The following RALGDS variants were observed in gnomAD, a reference collection of about 807,000 sequenced individuals.
RALGDS encodes the protein ral guanine nucleotide dissociation stimulator, also known as ral guanine nucleotide exchange factor.
A neutral mutation model predicts 99.8 loss-of-function variants in RALGDS; 44 were observed. That is an observed-to-expected ratio of 0.44 (90% confidence interval 0.35 to 0.57). The LOEUF is 0.57. Ranked by LOEUF, RALGDS falls within the 20% of genes least tolerant of loss-of-function variation. RALGDS has a pLI of 0.01. For synonymous variants in RALGDS, 529 were observed against 505.0 expected, an observed-to-expected ratio of 1.05 and a Z score of -0.64; for missense variants, 1,022 against 1,203.1, an observed-to-expected ratio of 0.85 and a Z score of 2.23.
rs1161934465 is a variant in RALGDS, at chr9:133,101,944, T to C, written c.2205A>G (p.Glu735=). 2 of 1,551,122 alleles carry C rather than the reference T, an allele frequency of 1.3e-6. No individual in the cohort carries two copies. The highest frequency in any genetic ancestry group is 2.4e-5 in the South Asian group (2 of 84,070). Residue 735 remains glutamate, a synonymous_variant, in exon 15 of 18, where the codon GAA becomes GAG. Coordinates refer to ENST00000372050, the MANE Select transcript of RALGDS (RefSeq NM_006266.4). ...GAGAAGGGCAGGCAGTCACCTTCTTTTCCTGGCCATCAGGAGACTCCGGGA... is the reference window on the plus strand; with the variant it reads ...GAGAAGGGCAGGCAGTCACCTTCTTCTCCTGGCCATCAGGAGACTCCGGGA... ...SFVPESPDGQ[E]KKFWESASQS... is the part of the protein sequence containing the mutation.
chr9:133,106,202 T>C (rs181382700), intron 8 of RALGDS, among the ~76,000 whole-genome samples, 186 bp from the exon 9 acceptor site: 2 of 151,686 alleles, frequency 1.3e-5, no homozygotes, highest in South Asian at 4.2e-4. Flanking sequence ...CAGGACCCCA[T>C]TCCCGTTTCC....
At chr9:133,117,986 AT>A (rs1459511171) in intron 1 of RALGDS, among the ~76,000 whole-genome samples, 1 of 152,206 alleles carries the variant, frequency 6.6e-6, no homozygotes, top group Non-Finnish European at 1.5e-5. Flanking sequence ...GAGCAGCTTG[AT>A]ATCTCCCAGG....
intron 1 of RALGDS, among the ~76,000 whole-genome samples, chr9:133,130,334 G>A (rs1832297594): frequency 1.3e-5 from 2 of 152,068 alleles, no homozygotes; most frequent in African/African-American, 4.8e-5. Flanking sequence ...AGGCTGGTTC[G>A]AACTCCTGAC....
chr9:133,117,498 C>A (rs1176868810), intron 1 of RALGDS, among the ~76,000 whole-genome samples: 3 of 152,238 alleles, frequency 2.0e-5, no homozygotes, highest in Non-Finnish European at 4.4e-5. Context: ...GTGTCCTGCC[C>A]CGCCCGCCAA....
At chr9:133,148,861 G>T in intron 1 of RALGDS, 2 of 1,434,418 alleles carry the variant, frequency 1.4e-6, no homozygotes, top group Admixed American at 2.0e-5. Context: ...CGCACGCTCA[G>T]CGTGGACGCG....
At chr9:133,102,403 T>C in intron 14 of RALGDS, 73 bp downstream of exon 14, 1 of 1,513,876 alleles carries the variant, frequency 6.6e-7, no homozygotes, top group African/African-American at 1.4e-5. Flanking sequence ...CCTGACTCCC[T>C]GAGCCCAGGC....
Position 133,102,559 on chromosome 9 carries a change from C to A in RALGDS, c.1926G>T (p.Ser642=), listed in dbSNP as rs540478696. ...RLSETESYNL[S]CELEPPSESA... ...ACTCGGATGGGGGCTCCAGCTCGCACGACAGGTTGTAGCTATGAGCAGAGG... is the reference window on the plus strand; with the variant it reads ...ACTCGGATGGGGGCTCCAGCTCGCAAGACAGGTTGTAGCTATGAGCAGAGG... Residue 642 remains serine, a synonymous_variant, in exon 14 of 18, where the codon TCG becomes TCT. Transcript: ENST00000372050. 3.7e-6 allele frequency: 6 copies of A among 1,614,034 alleles called. No homozygotes were observed. The South Asian group carries it at 4.4e-5, about 12-fold the overall frequency.
At chr9:133,138,936 G>T (rs538225920) in intron 1 of RALGDS, among the ~76,000 whole-genome samples, 1 of 152,216 alleles carries the variant, frequency 6.6e-6, no homozygotes, top group South Asian at 2.1e-4. Context: ...ACCTGTCCAG[G>T]TCTAGTGCTT....
rs62638720 is a variant in RALGDS at position 133,112,084 on chromosome 9, C to T, written c.252G>A (p.Val84=). Residue 84 remains valine, a synonymous_variant, in exon 2 of 18, where the codon GTG becomes GTA. Transcript: ENST00000372050. The part of the protein sequence containing the change: ...GVIYSISLRK[V]QLHHGGNKGQ... ...CCTTGTTGCCTCCGTGGTGCAGCTG[C>T]ACCTTGCGCAGGGAGATGGAGTAGA... is the stretch of plus-strand genomic sequence containing the variant. 3.2e-6 allele frequency: 5 copies of T among 1,586,186 alleles called. No homozygotes were observed. The highest frequency in any genetic ancestry group is 1.7e-4 in the Middle Eastern group (1 of 6,030).
At chr9:133,145,975 A>G (rs564783355) in intron 1 of RALGDS, among the ~76,000 whole-genome samples, 62 of 152,306 alleles carry the variant, frequency 4.1e-4, no homozygotes, top group African/African-American at 1.5e-3. Context: ...AACTTCTCAC[A>G]GGGGCGAGAC....
At chr9:133,133,804 G>A (rs658853), upstream of RALGDS, among the ~76,000 whole-genome samples, 53,640 of 152,128 alleles carry the variant, frequency 0.35, 9,761 homozygotes, top group East Asian at 0.54. Flanking sequence ...ACAAGCCCAG[G>A]CTAGCAAAAC....
intron 16 of RALGDS, chr9:133,100,853 G>C: frequency 9.4e-7 from 1 of 1,063,762 alleles, no homozygotes; most frequent in Non-Finnish European, 1.1e-6. Flanking sequence ...CTCGGACATA[G>C]GGCCACAGGT....
At chr9:133,100,053 C>T in intron 17 of RALGDS, 2 of 621,780 alleles carry the variant, frequency 3.2e-6, no homozygotes, top group Non-Finnish European at 5.7e-6. Context: ...GAGCTTTGAA[C>T]TGCCTGTTCA....
At position 133,106,722 on chromosome 9, in the gene RALGDS, C is replaced by T. The variant is rs139209966; in HGVS notation, c.1440G>A (p.Ser480=). Residue 480 remains serine (S), a synonymous_variant, in exon 8 of 18, where the codon TCG becomes TCA. Coordinates refer to ENST00000372050, the MANE Select transcript of RALGDS (RefSeq NM_006266.4). The part of the protein sequence containing the change: ...ARECRILKNF[S]SLYAILSALQ... ...GGGCAGAGAGGATGGCATACAGTGACGAGAAGTTCTTGAGGATCCGGCACT... is the reference window on the plus strand; with the variant it reads ...GGGCAGAGAGGATGGCATACAGTGATGAGAAGTTCTTGAGGATCCGGCACT... 2.2e-4 allele frequency: 361 copies of T among 1,612,548 alleles called. No homozygotes were observed. The highest frequency in any genetic ancestry group is 5.0e-4 in the Middle Eastern group (3 of 6,060).
At chr9:133,109,594 G>A in intron 4 of RALGDS, 32 bp downstream of exon 4, 2 of 1,570,340 alleles carry the variant, frequency 1.3e-6, no homozygotes. Context: ...GTGGGGACAG[G>A]GTCCCTTCCT....
chr9:133,119,227 G>A (rs963595229), intron 1 of RALGDS, among the ~76,000 whole-genome samples: 9 of 152,176 alleles, frequency 5.9e-5, no homozygotes, highest in Admixed American at 1.3e-4. Flanking sequence ...AGTGCGCAGC[G>A]TCAGCTCTGG....
upstream of RALGDS, among the ~76,000 whole-genome samples, chr9:133,122,619 A>T (rs1037625294): frequency 2.6e-5 from 4 of 152,248 alleles, no homozygotes; most frequent in African/African-American, 4.8e-5. Flanking sequence ...TATGGTGGTA[A>T]GTTGCAGCTG....
At chr9:133,119,466 A>G (rs111250658) in intron 1 of RALGDS, among the ~76,000 whole-genome samples, 4,360 of 152,222 alleles carry the variant, frequency 0.029, 191 homozygotes, top group African/African-American at 0.097. Context: ...GAGGCTGGGC[A>G]AGGAGCGCCA....
intron 1 of RALGDS, among the ~76,000 whole-genome samples, chr9:133,145,323 A>G (rs1832603696): frequency 6.6e-6 from 1 of 151,022 alleles, no homozygotes; most frequent in Admixed American, 6.6e-5. Flanking sequence ...GTGCCCACGC[A>G]CTCCCCAGAT....
Sources: gnomAD v4.1 joint callset for allele counts (sites outside exome capture counted in the v4.1 genomes callset) on GRCh38, gnomAD v4.1.1 for gene constraint, MANE v1.5 for transcripts, NCBI Gene and HGNC (gene_info 2026-07-23, HGNC 2026-07-21) for gene names.